The following MCU variants were observed in gnomAD, a reference collection of about 807,000 sequenced individuals.
MCU encodes calcium uniporter protein, mitochondrial.
A neutral mutation model predicts 45.2 loss-of-function variants in MCU; 12 were observed. The ratio of observed to expected loss-of-function variants is 0.27; its 90% confidence interval spans 0.17 to 0.43. The LOEUF (loss-of-function observed/expected upper bound fraction) is 0.43. Among genes scored for constraint, MCU ranks in the 20% least tolerant of loss-of-function variants. MCU has a pLI of 1.00. For missense variants in MCU, 324 were observed against 436.7 expected, an observed-to-expected ratio of 0.74 and a Z score of 2.30; for synonymous variants, 160 against 165.1, an observed-to-expected ratio of 0.97 and a Z score of 0.24.
intron 1 of MCU, among the ~76,000 whole-genome samples, chr10:72,782,663 C>T (rs896461143): frequency 5.9e-5 from 9 of 152,208 alleles, no homozygotes; most frequent in African/African-American, 1.2e-4. Flanking sequence ...CTACCACGCC[C>T]GGCCCATAAT....
chr10:72,795,219 C>T (rs1844225595), intron 1 of MCU, among the ~76,000 whole-genome samples: 1 of 152,116 alleles, frequency 6.6e-6, no homozygotes, highest in Non-Finnish European at 1.5e-5. Context: ...TTTCACCACT[C>T]TAGCTTCCAA....
chr10:72,755,397 C>T (rs1465008987), intron 1 of MCU, among the ~76,000 whole-genome samples: 2 of 152,166 alleles, frequency 1.3e-5, no homozygotes. Flanking sequence ...ACCCACCCGC[C>T]TTGGCCTCCC....
intron 1 of MCU, among the ~76,000 whole-genome samples, chr10:72,780,782 G>A (rs1002483788): frequency 1.4e-4 from 22 of 151,944 alleles, no homozygotes; most frequent in African/African-American, 5.1e-4. Context: ...TGCATCTCTG[G>A]TTTTCTCCAA....
At chr10:72,823,287 G>A (rs1051810488) in intron 1 of MCU, among the ~76,000 whole-genome samples, 5 of 152,190 alleles carry the variant, frequency 3.3e-5, no homozygotes, top group Admixed American at 6.5e-5. Flanking sequence ...ATTGGGCCCC[G>A]TGCATGCTTA....
chr10:72,844,897 A>G (rs1286294788), intron 2 of MCU, among the ~76,000 whole-genome samples: 16 of 152,190 alleles, frequency 1.1e-4, no homozygotes, highest in Non-Finnish European at 4.4e-5. Context: ...GATATGAAGA[A>G]TGAATTTATA....
chr10:72,870,463 T>C (rs186549940), intron 5 of MCU, among the ~76,000 whole-genome samples: 54 of 152,196 alleles, frequency 3.5e-4, no homozygotes, highest in African/African-American at 1.0e-3. Flanking sequence ...TGTTTTTTTT[T>C]AGTAGAGACG....
chr10:72,842,503 C>T (rs1355158246), intron 2 of MCU, among the ~76,000 whole-genome samples: 1 of 152,160 alleles, frequency 6.6e-6, no homozygotes, highest in Non-Finnish European at 1.5e-5. Flanking sequence ...TTCATCAAAA[C>T]AGAAAGTACA....
intron 1 of MCU, among the ~76,000 whole-genome samples, chr10:72,750,057 T>C (rs981772892): frequency 2.0e-5 from 3 of 152,050 alleles, no homozygotes; most frequent in African/African-American, 7.2e-5. Context: ...AGTGCTGGGA[T>C]TACAGGTGTG....
intron 1 of MCU, among the ~76,000 whole-genome samples, chr10:72,736,049 A>G (rs1162694216): frequency 1.3e-5 from 2 of 152,234 alleles, no homozygotes; most frequent in Non-Finnish European, 2.9e-5. Context: ...TGATGCAAAA[A>G]ATATTCTCGT....
chr10:72,787,239 T>A (rs1320562699), intron 1 of MCU, among the ~76,000 whole-genome samples: 2 of 152,198 alleles, frequency 1.3e-5, no homozygotes, highest in Non-Finnish European at 2.9e-5. Context: ...AAATTCAGTT[T>A]CTTTTGGTTA....
chr10:72,825,329 C>T (rs1482871105), intron 1 of MCU, among the ~76,000 whole-genome samples: 1 of 152,152 alleles, frequency 6.6e-6, no homozygotes, highest in Admixed American at 6.6e-5. Flanking sequence ...TTATTTCTCT[C>T]TACCTATGTA....
In MCU at chr10:72,707,647, G is replaced by GTGTGTGTGTGTGTGTGTGTA. The variant is rs71021526; in HGVS notation, c.150+15347_150+15348insGTGTGTGTGTGTGTGTGTAT. 1.3e-3 allele frequency among the ~76,000 whole-genome samples: 189 copies of GTGTGTGTGTGTGTGTGTGTA among 147,004 alleles called. 6 individuals are homozygous for GTGTGTGTGTGTGTGTGTGTA. Among genetic ancestry groups the GTGTGTGTGTGTGTGTGTGTA allele is most frequent in the African/African-American group, 4.5e-3 (173 of 38,306 alleles). On this transcript the variant is annotated intron_variant, in intron 1 of 7. Transcript: ENST00000373053. ...TGTGTGTGTGTGTGTGTGTGTGTGT[G>GTGTGTGTGTGTGTGTGTGTA]TTTCCCACCAAAACAAAAGTAATTG...
chr10:72,878,697 CAG>C (rs955651629), intron 6 of MCU, among the ~76,000 whole-genome samples: 1 of 151,870 alleles, frequency 6.6e-6, no homozygotes. Flanking sequence ...TAACAAAAGA[CAG>C]AAATAGTGAC....
rs1353810742 is a variant in MCU at position 72,714,190 on chromosome 10, C to T, written c.150+21889C>T. Among the ~76,000 whole-genome samples, 7 of 151,596 alleles carry T rather than the reference C, an allele frequency of 4.6e-5. No homozygotes were observed. In the South Asian group the frequency reaches 8.3e-4, roughly 18 times the overall value. On this transcript the variant is annotated intron_variant, in intron 1 of 7. Coordinates refer to ENST00000373053, the MANE Select transcript of MCU (RefSeq NM_138357.3). ...CCATGTTGGCCAGGCTGGTCTCGAACTCCTGACCTCATGATTTGCCCACCG... is the reference window on the plus strand; with the variant it reads ...CCATGTTGGCCAGGCTGGTCTCGAATTCCTGACCTCATGATTTGCCCACCG...
chr10:72,846,009 C>T (rs146488291), intron 2 of MCU, among the ~76,000 whole-genome samples: 2 of 152,178 alleles, frequency 1.3e-5, no homozygotes, highest in African/African-American at 2.4e-5. Context: ...CACAGGCAAC[C>T]GCAGTCTGAA....
chr10:72,719,648 CCAAA>C (rs1842995721), intron 1 of MCU, among the ~76,000 whole-genome samples: 1 of 152,080 alleles, frequency 6.6e-6, no homozygotes, highest in African/African-American at 2.4e-5. Context: ...AATTTTCTTC[CCAAA>C]CAGAGCTCTT....
chr10:72,798,681 G>A (rs1844290714), intron 1 of MCU, among the ~76,000 whole-genome samples: 1 of 151,906 alleles, frequency 6.6e-6, no homozygotes, highest in African/African-American at 2.4e-5. Context: ...AGTAGTATGT[G>A]TTGTTTATAA....
At chr10:72,861,129 G>C (rs1352102121) in intron 4 of MCU, among the ~76,000 whole-genome samples, 1 of 151,918 alleles carries the variant, frequency 6.6e-6, no homozygotes, top group Non-Finnish European at 1.5e-5. Context: ...TTATCCTCCT[G>C]CCTCATCCTC....
At chr10:72,828,006 T>G (rs1343513458) in intron 1 of MCU, among the ~76,000 whole-genome samples, 1 of 152,180 alleles carries the variant, frequency 6.6e-6, no homozygotes, top group Non-Finnish European at 1.5e-5. Flanking sequence ...AGAAAAAAAC[T>G]GATCCCAAGT....
Sources: allele counts gnomAD v4.1 joint callset (sites outside exome capture counted in the v4.1 genomes callset), GRCh38; gene constraint gnomAD v4.1.1; transcripts MANE v1.5; gene names NCBI Gene and HGNC (gene_info 2026-07-23, HGNC 2026-07-21).